Variants in FLVCR2 observed in about 807,000 individuals in gnomAD.
FLVCR2 encodes choline/ethanolamine transporter FLVCR2.
A neutral mutation model predicts 48.9 loss-of-function variants in FLVCR2; 38 were observed. The ratio of observed to expected loss-of-function variants is 0.78; its 90% CI spans 0.60 to 1.02. The LOEUF is 1.02. Among genes scored for constraint, FLVCR2 ranks in the 50% least tolerant of loss-of-function variants. FLVCR2 has a pLI of 0.00. For missense variants in FLVCR2, 664 were observed against 663.3 expected (o/e 1.00, Z -0.01); for synonymous variants, 255 against 257.0 (o/e 0.99, Z 0.07).
chr14:75,617,038 T>C (rs780856317), intron 1 of FLVCR2, among the ~76,000 whole-genome samples: 1 of 152,186 alleles, frequency 6.6e-6, no homozygotes, highest in Non-Finnish European at 1.5e-5. Flanking sequence ...CTGATTCAAT[T>C]GTGACTTAGG....
chr14:75,586,510 T>C (rs1055175355), intron 1 of FLVCR2, among the ~76,000 whole-genome samples: 9 of 152,188 alleles, frequency 5.9e-5, no homozygotes, highest in Non-Finnish European at 1.3e-4. Flanking sequence ...TCCCAGTTCT[T>C]CTCATTGGAC....
chr14:75,631,963 A>G (rs1053477754), intron 3 of FLVCR2: 1 of 417,716 alleles, frequency 2.4e-6, no homozygotes, highest in African/African-American at 2.0e-5. Flanking sequence ...ACTGTGGCTC[A>G]CTGTGCTGCT....
intron 9 of FLVCR2, among the ~76,000 whole-genome samples, chr14:75,643,088 C>T (rs1366664074): frequency 6.6e-6 from 1 of 152,208 alleles, no homozygotes; most frequent in East Asian, 1.9e-4. Context: ...TCTCAAACTC[C>T]TGACCTCAAA....
At chr14:75,626,509 G>A (rs1889903945) in intron 3 of FLVCR2, among the ~76,000 whole-genome samples, 1 of 151,882 alleles carries the variant, frequency 6.6e-6, no homozygotes, top group East Asian at 1.9e-4. Flanking sequence ...ATAGCTGTAG[G>A]TTTGTCTTCA....
In FLVCR2 at chr14:75,605,168, C is replaced by A. The variant is rs568928401; in HGVS notation, c.670-16911C>A. On this transcript the variant is annotated intron_variant, in intron 1 of 9. Coordinates refer to ENST00000238667, the MANE Select transcript of FLVCR2 (RefSeq NM_017791.3). ...TCCCTTGACTTGAACTCCCCCCAAGCCTCAACATCAAACAGCCCTGTGTGG... is the reference window on the plus strand; with the variant it reads ...TCCCTTGACTTGAACTCCCCCCAAGACTCAACATCAAACAGCCCTGTGTGG... Among the ~76,000 whole-genome samples the A allele has an allele frequency of 6.5e-4, 99 of 152,328 alleles. No individual in the cohort carries two copies. The South Asian group carries it at 0.018, about 28-fold the overall frequency.
chr14:75,598,872 G>A (rs141114838), intron 1 of FLVCR2, among the ~76,000 whole-genome samples: 5 of 152,242 alleles, frequency 3.3e-5, no homozygotes, highest in African/African-American at 1.2e-4. Context: ...CCAGACCTCC[G>A]CTCCCCACCT....
At chr14:75,613,525 C>T (rs559404917) in intron 1 of FLVCR2, among the ~76,000 whole-genome samples, 1 of 152,024 alleles carries the variant, frequency 6.6e-6, no homozygotes, top group Non-Finnish European at 1.5e-5. Flanking sequence ...CTGGAGATTA[C>T]AATTCAACAT....
At chr14:75,594,721 CT>C (rs750721894) in intron 1 of FLVCR2, among the ~76,000 whole-genome samples, 2,052 of 143,210 alleles carry the variant, frequency 0.014, 10 homozygotes, top group South Asian at 0.053. Flanking sequence ...GACATTATCA[CT>C]TTTTTTTTTT....
intron 1 of FLVCR2, among the ~76,000 whole-genome samples, chr14:75,609,082 A>G (rs1322069333): frequency 1.3e-5 from 2 of 151,702 alleles, no homozygotes; most frequent in African/African-American, 4.8e-5. Context: ...TTTTTTTTTT[A>G]GACAATGCAC....
At chr14:75,588,647 T>G (rs1185394633) in intron 1 of FLVCR2, among the ~76,000 whole-genome samples, 1 of 152,034 alleles carries the variant, frequency 6.6e-6, no homozygotes, top group East Asian at 1.9e-4. Flanking sequence ...CCCAGAAAAT[T>G]TTTGTATTTT....
chr14:75,635,679 A>C (rs994934833), intron 5 of FLVCR2, among the ~76,000 whole-genome samples: 1 of 152,066 alleles, frequency 6.6e-6, no homozygotes, highest in Non-Finnish European at 1.5e-5. Context: ...AGCCTGGGCA[A>C]CATGGTGAAA....
intron 5 of FLVCR2, among the ~76,000 whole-genome samples, chr14:75,635,655 A>G (rs991923215): frequency 1.3e-5 from 2 of 152,098 alleles, no homozygotes; most frequent in Non-Finnish European, 2.9e-5. Flanking sequence ...GCTTGAGTCT[A>G]GGAGCTCAAA....
intron 9 of FLVCR2, among the ~76,000 whole-genome samples, chr14:75,643,463 G>A (rs1383087462): frequency 6.6e-6 from 1 of 152,146 alleles, no homozygotes; most frequent in Non-Finnish European, 1.5e-5. Flanking sequence ...CCAACACTGA[G>A]TATTTTTCAT....
At chr14:75,638,911 A>C (rs978344448) in intron 5 of FLVCR2, among the ~76,000 whole-genome samples, 5 of 152,212 alleles carry the variant, frequency 3.3e-5, no homozygotes, top group African/African-American at 1.2e-4. Flanking sequence ...AGTTCTATGA[A>C]AGAAAATGTC....
intron 3 of FLVCR2, 104 bp downstream of exon 3, chr14:75,624,856 T>C (rs1889859088): frequency 7.1e-7 from 1 of 1,413,498 alleles, no homozygotes; most frequent in Non-Finnish European, 9.9e-7. Flanking sequence ...AATGTGCATG[T>C]AAAGCTGTTG....
chr14:75,613,459 CA>C lies in FLVCR2; in HGVS notation c.670-8619del, dbSNP rs368277210. On this transcript the variant is annotated intron_variant, in intron 1 of 9. Coordinates refer to ENST00000238667, the MANE Select transcript of FLVCR2 (RefSeq NM_017791.3). ...GGAATGATGATGGCACTAAACCATT[CA>C]TGAGAAATCTGCCCCCCTGACCCAA... Among the ~76,000 whole-genome samples the C allele has an allele frequency of 3.7e-4, 57 of 152,244 alleles. No homozygotes were observed. In the South Asian group the frequency reaches 6.6e-3, roughly 18 times the overall value.
intron 1 of FLVCR2, chr14:75,596,260 C>T: frequency 1.8e-6 from 1 of 563,138 alleles, no homozygotes; most frequent in Non-Finnish European, 3.2e-6. Context: ...TGTCTGCTTT[C>T]TAGCCTCCTA....
chr14:75,644,909 C>A (rs1890383387), intron 9 of FLVCR2, among the ~76,000 whole-genome samples: 1 of 152,122 alleles, frequency 6.6e-6, no homozygotes, highest in Non-Finnish European at 1.5e-5. Flanking sequence ...CTATGAACAT[C>A]TTACTGGTTT....
At chr14:75,613,093 G>A (rs1444000454) in intron 1 of FLVCR2, among the ~76,000 whole-genome samples, 1 of 152,196 alleles carries the variant, frequency 6.6e-6, no homozygotes, top group Non-Finnish European at 1.5e-5. Flanking sequence ...GAGTGTGGAA[G>A]TCACTTCCAC....
Sources: gnomAD v4.1 joint callset for allele counts (sites outside exome capture counted in the v4.1 genomes callset) on GRCh38, gnomAD v4.1.1 for gene constraint, MANE v1.5 for transcripts, NCBI Gene and HGNC (gene_info 2026-07-23, HGNC 2026-07-21) for gene names.